Variants in DENND3 observed in about 807,000 individuals in gnomAD.
The protein encoded by DENND3 is DENN domain-containing protein 3.
A neutral mutation model predicts 135.1 loss-of-function variants in DENND3; 88 were observed. That is an observed-to-expected ratio of 0.65 (90% CI 0.55 to 0.78). The LOEUF (loss-of-function observed/expected upper bound fraction) is 0.78, where lower values mean the gene tolerates loss of function less well. Among genes scored for constraint, DENND3 ranks in the 30% least tolerant of loss-of-function variants. DENND3 has a pLI of 0.00. For synonymous variants in DENND3, 693 were observed against 712.3 expected, an observed-to-expected ratio of 0.97 and a Z score of 0.43; for missense variants, 1,392 against 1,688.4, an observed-to-expected ratio of 0.82 and a Z score of 3.08.
chr8:141,140,293 A>G (rs1817293121), intron 3 of DENND3, among the ~76,000 whole-genome samples: 1 of 151,954 alleles, frequency 6.6e-6, no homozygotes, highest in Non-Finnish European at 1.5e-5. Context: ...GAGGGTGGGA[A>G]CCATATTGTG....
Position 141,194,575 on chromosome 8 carries a change from G to C in DENND3, c.*342G>C. The C allele has an allele frequency of 3.1e-6, 1 of 317,486 alleles. No individual in the cohort carries two copies. 19.7% of individuals were successfully genotyped at this position (317,486 alleles called of 1,614,324 possible). ...GGGCTGGCACTGGAGCCAGCAGCTTGGCCGAGTCACAGGTGACCCGTGGCC... is the reference window on the plus strand; with the variant it reads ...GGGCTGGCACTGGAGCCAGCAGCTTCGCCGAGTCACAGGTGACCCGTGGCC... On this transcript the variant is annotated 3_prime_UTR_variant, in exon 23 of 23. Coordinates refer to ENST00000519811, the MANE Select transcript of DENND3 (RefSeq NM_001352890.3).
intron 19 of DENND3, among the ~76,000 whole-genome samples, chr8:141,189,517 G>C (rs1264183706): frequency 3.9e-5 from 6 of 152,202 alleles, no homozygotes; most frequent in Non-Finnish European, 7.4e-5. Flanking sequence ...GTTGGCCTTG[G>C]GCTGCCTGTT....
chr8:141,152,872 C>T (rs1007776043), intron 7 of DENND3, among the ~76,000 whole-genome samples: 4 of 152,150 alleles, frequency 2.6e-5, no homozygotes, highest in Non-Finnish European at 4.4e-5. Flanking sequence ...ACCAGCAGTA[C>T]GAGGGTTCTA....
intron 13 of DENND3, among the ~76,000 whole-genome samples, chr8:141,173,076 A>G (rs1249063202): frequency 1.4e-5 from 1 of 73,062 alleles, no homozygotes; most frequent in Non-Finnish European, 2.8e-5. Context: ...TGCTATTTCT[A>G]AAACGGAAGG....
chr8:141,158,476 C>A (rs1328067812), intron 8 of DENND3, among the ~76,000 whole-genome samples: 1 of 152,218 alleles, frequency 6.6e-6, no homozygotes, highest in Non-Finnish European at 1.5e-5. Context: ...TTGGCTAGAT[C>A]CCCCAGAATG....
At position 141,166,405 on chromosome 8, in the gene DENND3, C is replaced by G. The variant is rs540584886; in HGVS notation, c.1753+16C>G. ...AGCAGCGCAGGTGAGGGCTGCCCCC[C>G]ACTGTGGTGCTGTGTGTCGGTCCCA... On this transcript the variant is annotated intron_variant, in intron 12 of 22. Transcript: ENST00000519811. This position sits in a 1 kb window ranked among gnomAD's most constrained non-coding sequence, Gnocchi z 4.3. 9 of 1,605,198 alleles carry G rather than the reference C, an allele frequency of 5.6e-6. No individual in the cohort carries two copies. Among genetic ancestry groups the G allele is most frequent in the South Asian group, 2.2e-5 (2 of 90,730 alleles).
intron 8 of DENND3, among the ~76,000 whole-genome samples, chr8:141,156,791 CTT>C (rs34035594): frequency 5.7e-5 from 7 of 123,152 alleles, no homozygotes; most frequent in Non-Finnish European, 1.0e-4. Context: ...TTTTTCTTTC[CTT>C]TTTTTTTTTT....
In DENND3 at chr8:141,176,653, G is replaced by A. The variant is rs1418414235; in HGVS notation, c.2598G>A (p.Val866=). The change falls in exon 15 of 23, where the codon GTG becomes GTA. Residue 866 remains valine (V), a synonymous_variant. Transcript: ENST00000519811. ...GAATACCCACTTTAAAAATCAGAGT[G>A]GCGTCCAAGAAAGAAGTCTTCGAAG... ...LRRIPTLKIR[V]ASKKEVFEAN... 6.2e-7 allele frequency: 1 copy of A among 1,614,134 alleles called. No individual in the cohort carries two copies. Among genetic ancestry groups the A allele is most frequent in the Non-Finnish European group, 8.5e-7 (1 of 1,180,048 alleles).
rs917679465 is a variant in DENND3 at position 141,171,427 on chromosome 8, C to T, written c.2275+2902C>T. On this transcript the variant is annotated intron_variant, in intron 13 of 22. Coordinates refer to ENST00000519811, the MANE Select transcript of DENND3 (RefSeq NM_001352890.3). ...GGGACGCTGACATGTCTGCCACCTC[C>T]AGCATGGCCGTGCAGAAGCAAGACG... is the stretch of plus-strand genomic sequence containing the variant. Among the ~76,000 whole-genome samples, 9 of 152,244 alleles carry T rather than the reference C, an allele frequency of 5.9e-5. No homozygotes were observed. The East Asian group carries it at 1.5e-3, about 26-fold the overall frequency.
intron 6 of DENND3, among the ~76,000 whole-genome samples, chr8:141,151,194 A>T (rs1818758174): frequency 6.6e-6 from 1 of 152,222 alleles, no homozygotes; most frequent in Admixed American, 6.5e-5. Context: ...GGACCAGGGA[A>T]GAGCCCGCAG....
chr8:141,151,452 TTGGGAGGCCAAG>T (rs1818787545), intron 6 of DENND3, among the ~76,000 whole-genome samples, 155 bp from the exon 7 acceptor site: 3 of 112,750 alleles, frequency 2.7e-5, no homozygotes, highest in East Asian at 7.1e-4. Context: ...TCCCATCTGC[TTGGGAGGCCAAG>T]GTGGGAGGAT....
In DENND3 at chr8:141,189,300, C is replaced by T. The variant is rs186929945; in HGVS notation, c.3245+154C>T. 2.6e-5 allele frequency among the ~76,000 whole-genome samples: 4 copies of T among 152,366 alleles called. No homozygotes were observed. The East Asian group carries it at 5.8e-4, about 22-fold the overall frequency. On this transcript the variant is annotated intron_variant, in intron 19 of 22. Transcript: ENST00000519811. ...AACGAGGAAAGCTGGGTGGTGTCCT[C>T]GGTCTGCTTCTGCTCACGGGTGCGG...
chr8:141,190,306 G>A lies in DENND3; in HGVS notation c.3268G>A (p.Asp1090Asn). The A allele has an allele frequency of 1.2e-6, 2 of 1,609,640 alleles. No individual in the cohort carries two copies. Among genetic ancestry groups the A allele is most frequent in the Non-Finnish European group, 1.7e-6 (2 of 1,178,202 alleles). Residue 1090 changes from aspartate (D) to asparagine (N), a missense_variant, in exon 20 of 23, where the codon GAC becomes AAC. Coordinates refer to ENST00000519811, the MANE Select transcript of DENND3 (RefSeq NM_001352890.3). ...CAGCAACGTGTACTCGTGCAGCATG[G>A]ACGGCATGGTGCTGGTGTGGAATGT... ...APSNVYSCSM[D>N]GMVLVWNVST... is the part of the protein sequence containing the mutation.
At chr8:141,136,898 C>T in intron 2 of DENND3, 107 bp downstream of exon 2, 2 of 1,197,174 alleles carry the variant, frequency 1.7e-6, no homozygotes, top group South Asian at 4.2e-5. Context: ...AGCGGCAGAG[C>T]CAGGGACCCC....
At chr8:141,183,948 G>C (rs1259705581) in intron 17 of DENND3, among the ~76,000 whole-genome samples, 1 of 152,142 alleles carries the variant, frequency 6.6e-6, no homozygotes, top group Non-Finnish European at 1.5e-5. Flanking sequence ...GCTGTGGCTG[G>C]GCCTCCCTGC....
intron 7 of DENND3, 95 bp from the exon 8 acceptor site, chr8:141,155,754 T>A: frequency 6.9e-7 from 1 of 1,442,898 alleles, no homozygotes; most frequent in Non-Finnish European, 9.3e-7. Context: ...TGACACTGTC[T>A]TAGTGAACTC....
In DENND3 at chr8:141,194,140, C is replaced by T; in HGVS notation, c.3744C>T (p.Asp1248=). Residue 1248 remains aspartate, a synonymous_variant, in exon 23 of 23, where the codon GAC becomes GAT. Transcript: ENST00000519811. ...AGAAGGAGCTGGTGGCGCACATGGA[C>T]ACCGTGAGGACGCTGTGCTCGGCTG... ...TVEKELVAHM[D]TVRTLCSAED... 1 of 1,613,914 alleles carries T rather than the reference C, an allele frequency of 6.2e-7. No individual in the cohort carries two copies. Among genetic ancestry groups the T allele is most frequent in the Non-Finnish European group, 8.5e-7 (1 of 1,180,002 alleles).
chr8:141,140,827 G>A (rs543817686), intron 3 of DENND3, among the ~76,000 whole-genome samples: 8 of 152,184 alleles, frequency 5.3e-5, no homozygotes, highest in Non-Finnish European at 1.2e-4. Flanking sequence ...CTCCTGCTCC[G>A]TCCTCCTGGG....
intron 1 of DENND3, among the ~76,000 whole-genome samples, chr8:141,136,190 C>T (rs886413667): frequency 1.3e-5 from 2 of 152,178 alleles, no homozygotes; most frequent in East Asian, 3.8e-4. Context: ...GGAGGCACAG[C>T]CAGGACTTGA....
Sources: gnomAD v4.1 joint callset for allele counts (sites outside exome capture counted in the v4.1 genomes callset) on GRCh38, gnomAD v4.1.1 for gene constraint, Gnocchi (gnomAD v3.1) non-coding constraint, MANE v1.5 for transcripts, NCBI Gene and HGNC (gene_info 2026-07-23, HGNC 2026-07-21) for gene names.